CLNK: variants seen among roughly 807,000 people sequenced by gnomAD.
CLNK encodes cytokine-dependent hematopoietic cell linker.
CLNK carries 74 observed loss-of-function variants against 68.6 expected under a neutral mutation model. That is an observed-to-expected ratio of 1.08 (90% CI 0.89 to 1.31). CLNK has a LOEUF of 1.31. CLNK is among the 50% of genes most tolerant of loss of function. The probability of loss-of-function intolerance (pLI) is 0.00; values close to 1 mark genes in which losing one functional copy is unlikely to be tolerated. For missense variants in CLNK, 553 were observed against 515.3 expected, an observed-to-expected ratio of 1.07 and a Z score of -0.71; for synonymous variants, 198 against 172.2, an observed-to-expected ratio of 1.15 and a Z score of -1.17.
intron 17 of CLNK, among the ~76,000 whole-genome samples, chr4:10,507,096 C>T (rs1342187436): frequency 6.6e-6 from 1 of 151,480 alleles, no homozygotes; most frequent in Non-Finnish European, 1.5e-5. Context: ...TGAGCCACCG[C>T]GTCCGGCTGA....
chr4:10,711,991 C>T, the CLNK span, among the ~76,000 whole-genome samples: 3 of 152,006 alleles, frequency 2.0e-5, no homozygotes, highest in South Asian at 4.2e-4. Flanking sequence ...ATGGATATCG[C>T]GTTTCAAAGG....
chr4:10,675,059 G>T (rs929119547), intron 1 of CLNK, among the ~76,000 whole-genome samples: 3 of 152,090 alleles, frequency 2.0e-5, no homozygotes, highest in Non-Finnish European at 4.4e-5. Flanking sequence ...CTAGATGATG[G>T]GTTGGATGGA....
chr4:10,700,001 C>CAT, the CLNK span, among the ~76,000 whole-genome samples: 2 of 47,670 alleles, frequency 4.2e-5, no homozygotes, highest in Non-Finnish European at 9.1e-5. Context: ...ACTGTGTGTG[C>CAT]ATATGTGTGT....
At chr4:10,530,656 T>C (rs1319164288) in intron 12 of CLNK, among the ~76,000 whole-genome samples, 1 of 152,210 alleles carries the variant, frequency 6.6e-6, no homozygotes, top group Non-Finnish European at 1.5e-5. Flanking sequence ...CTGTTTGTGA[T>C]TGGAGGGCCT....
intron 1 of CLNK, among the ~76,000 whole-genome samples, chr4:10,678,398 G>T (rs533599679): frequency 6.6e-6 from 1 of 152,090 alleles, no homozygotes; most frequent in Admixed American, 6.6e-5. Context: ...CATCAGTGCC[G>T]TGAAAAACTC....
At chr4:10,678,630 T>C (rs1392518552) in intron 1 of CLNK, among the ~76,000 whole-genome samples, 2 of 152,100 alleles carry the variant, frequency 1.3e-5, no homozygotes, top group African/African-American at 4.8e-5. Context: ...GAAAACCCCA[T>C]CATCTCAGCC....
intron 4 of CLNK, among the ~76,000 whole-genome samples, chr4:10,575,009 C>T (rs2108830534): frequency 6.6e-6 from 1 of 152,258 alleles, no homozygotes; most frequent in Non-Finnish European, 1.5e-5. Context: ...CTTGCCAAAA[C>T]TCCTGGCAGA....
intron 2 of CLNK, among the ~76,000 whole-genome samples, chr4:10,625,348 G>A (rs1422141667): frequency 1.3e-5 from 2 of 152,200 alleles, no homozygotes; most frequent in Non-Finnish European, 1.5e-5. Context: ...CTGACACCAC[G>A]GGGAGGTTAT....
At chr4:10,558,644 G>T (rs897149234) in intron 7 of CLNK, among the ~76,000 whole-genome samples, 192 bp from the exon 8 acceptor site, 1 of 152,162 alleles carries the variant, frequency 6.6e-6, no homozygotes, top group Non-Finnish European at 1.5e-5. Context: ...GGGTGCAGTG[G>T]CTTGAGTGGT....
At chr4:10,733,273 G>C in the CLNK span, among the ~76,000 whole-genome samples, 12 of 152,018 alleles carry the variant, frequency 7.9e-5, no homozygotes, top group African/African-American at 2.7e-4. Flanking sequence ...CCACCTCTTA[G>C]TCACCAAACT....
intron 2 of CLNK, among the ~76,000 whole-genome samples, chr4:10,637,569 T>C (rs1560255839): frequency 1.4e-5 from 2 of 141,382 alleles, no homozygotes; most frequent in Non-Finnish European, 3.0e-5. Context: ...TCCTGGAACA[T>C]GCCCACCATT....
At chr4:10,631,239 A>G (rs1722879362) in intron 2 of CLNK, among the ~76,000 whole-genome samples, 1 of 152,212 alleles carries the variant, frequency 6.6e-6, no homozygotes, top group African/African-American at 2.4e-5. Flanking sequence ...TATTGATTGA[A>G]AAGCACATTC....
chr4:10,707,440 C>A, the CLNK span, among the ~76,000 whole-genome samples: 1 of 152,162 alleles, frequency 6.6e-6, no homozygotes, highest in Non-Finnish European at 1.5e-5. Flanking sequence ...CTCAGGTATT[C>A]CTTTATAGTA....
At chr4:10,536,235 A>C (rs896093255) in intron 11 of CLNK, among the ~76,000 whole-genome samples, 4 of 152,184 alleles carry the variant, frequency 2.6e-5, no homozygotes, top group African/African-American at 7.2e-5. Context: ...AAGGCAACTC[A>C]TCTCACTCAC....
the CLNK span, among the ~76,000 whole-genome samples, chr4:10,727,752 A>C: frequency 6.6e-6 from 1 of 152,208 alleles, no homozygotes; most frequent in Non-Finnish European, 1.5e-5. Context: ...TAAGTAAAAT[A>C]CTGGAGATGT....
At chr4:10,722,906 C>T in the CLNK span, among the ~76,000 whole-genome samples, 370 of 152,090 alleles carry the variant, frequency 2.4e-3, 1 homozygote, top group Non-Finnish European at 3.6e-3. Context: ...AAAAATTAGG[C>T]AGGTGTGGTG....
At chr4:10,500,097 T>C (rs1716978568) in intron 18 of CLNK, among the ~76,000 whole-genome samples, 1 of 152,344 alleles carries the variant, frequency 6.6e-6, no homozygotes, top group Non-Finnish European at 1.5e-5. Flanking sequence ...CATTAAATTA[T>C]TGAAGTCTAG....
rs185670482 is a variant in CLNK, at chr4:10,668,410, C to A, written c.-42-499G>T. ...TAGTAAAGATTATTAGTGTTATTTA[C>A]CATATAAATTAGCAGCAGAGACCCT... On this transcript the variant is annotated intron_variant, in intron 1 of 18. Transcript: ENST00000226951. Among the ~76,000 whole-genome samples, 33 of 152,260 alleles carry A rather than the reference C, an allele frequency of 2.2e-4. No homozygotes were observed. In the East Asian group the frequency reaches 5.4e-3, roughly 25 times the overall value.
chr4:10,616,001 G>A (rs2720372), intron 2 of CLNK, among the ~76,000 whole-genome samples: 3 of 152,084 alleles, frequency 2.0e-5, no homozygotes, highest in South Asian at 2.1e-4. Context: ...AATTTTGCAC[G>A]CCAGTTGTTA....
Sources: gnomAD v4.1 joint callset for allele counts (sites outside exome capture counted in the v4.1 genomes callset) on GRCh38, gnomAD v4.1.1 for gene constraint, MANE v1.5 for transcripts, NCBI Gene and HGNC (gene_info 2026-07-23, HGNC 2026-07-21) for gene names.